The following EXD3 variants were observed in gnomAD, a reference collection of about 807,000 sequenced individuals.
The protein encoded by EXD3 is exonuclease 3'-5' domain containing 3, also known as exonuclease mut-7 homolog.
Under a neutral mutation model 98.0 loss-of-function variants are expected in EXD3, and 92 were observed. The ratio of observed to expected loss-of-function variants is 0.94; its 90% CI spans 0.79 to 1.12. EXD3 has a LOEUF of 1.12. Among genes scored for constraint, EXD3 ranks in the 50% most tolerant of loss-of-function variants. The probability of loss-of-function intolerance (pLI) is 0.00; values close to 1 mark genes in which losing one functional copy is unlikely to be tolerated. For missense variants in EXD3, 1,222 were observed against 1,191.6 expected, an observed-to-expected ratio of 1.03 and a Z score of -0.38; for synonymous variants, 569 against 526.0, an observed-to-expected ratio of 1.08 and a Z score of -1.12.
rs200057346 is a variant in EXD3 at position 137,368,164 on chromosome 9, GC to G, written c.463-176del. Among the ~76,000 whole-genome samples, 1,473 of 152,286 alleles carry G rather than the reference GC, an allele frequency of 9.7e-3. 12 individuals carry two copies. Among genetic ancestry groups the G allele is most frequent in the Non-Finnish European group, 0.016 (1,086 of 68,016 alleles). ...CCGAGGGGCCTGGCCTGGCAGACAA[GC>G]CCCCCCGTGCTGAGCCAGGCCTTGC... On this transcript the variant is annotated intron_variant, in intron 5 of 21. Transcript: ENST00000340951.
chr9:137,407,974 C>T lies in EXD3; in HGVS notation c.-47-12570G>A, dbSNP rs1025345650. On this transcript the variant is annotated intron_variant, in intron 1 of 21. Transcript: ENST00000340951. The surrounding 1 kb of genome is among the most constrained non-coding windows in gnomAD (Gnocchi z 4.4). ...CAGGGGTTTTCCAGCCTCACGCCTC[C>T]GGGGGTCTCCCCAGCCTCATGCCTC... is the stretch of plus-strand genomic sequence containing the variant. 3.9e-5 allele frequency among the ~76,000 whole-genome samples: 6 copies of T among 152,086 alleles called. No individual in the cohort carries two copies. The highest frequency in any genetic ancestry group is 7.4e-5 in the Non-Finnish European group (5 of 67,998).
intron 7 of EXD3, chr9:137,365,631 A>C (rs1378511961): frequency 4.6e-6 from 1 of 217,462 alleles, no homozygotes. Context: ...GCAGGCACAC[A>C]CACGTGCACA....
chr9:137,368,007 G>T lies in EXD3; in HGVS notation c.463-18C>A. ...GTGGCTGCCTGGCAAACACAAAGGC[G>T]GCAGATTACTCAGGGCCTGGGAGGG... is the stretch of plus-strand genomic sequence containing the variant. On this transcript the variant is annotated intron_variant, in intron 5 of 21. Transcript: ENST00000340951. 1 of 1,604,654 alleles carries T rather than the reference G, an allele frequency of 6.2e-7. No homozygotes were observed. Among genetic ancestry groups the T allele is most frequent in the South Asian group, 1.1e-5 (1 of 90,734 alleles).
At chr9:137,368,889 G>A (rs534752864) in intron 5 of EXD3, among the ~76,000 whole-genome samples, 14 of 146,908 alleles carry the variant, frequency 9.5e-5, no homozygotes, top group East Asian at 6.2e-4. Flanking sequence ...GCGAAGGTCC[G>A]GGGCGGGGCC....
intron 10 of EXD3, 122 bp downstream of exon 10, chr9:137,354,217 G>T (rs1834482020): frequency 6.7e-7 from 1 of 1,493,216 alleles, no homozygotes; most frequent in Non-Finnish European, 9.0e-7. Flanking sequence ...ATGGGGTCTG[G>T]GCTCAGCAGC....
At chr9:137,415,143 C>T (rs1281221348) in intron 1 of EXD3, among the ~76,000 whole-genome samples, 1 of 151,824 alleles carries the variant, frequency 6.6e-6, no homozygotes, top group African/African-American at 2.4e-5. Flanking sequence ...CCACCTCGGC[C>T]TCTCAAAATG....
chr9:137,389,850 A>G (rs920454545), intron 2 of EXD3, among the ~76,000 whole-genome samples: 6 of 152,162 alleles, frequency 3.9e-5, no homozygotes, highest in Non-Finnish European at 8.8e-5. Flanking sequence ...GACCCGGCAC[A>G]GTGGCTCATG....
chr9:137,421,872 T>C (rs1363669047), intron 1 of EXD3, among the ~76,000 whole-genome samples: 4 of 152,090 alleles, frequency 2.6e-5, no homozygotes, highest in South Asian at 2.1e-4. Flanking sequence ...AAGAAGAACA[T>C]GGATTTTAGT....
intron 7 of EXD3, 200 bp downstream of exon 7, chr9:137,366,293 G>A (rs1054154170): frequency 1.3e-6 from 1 of 744,938 alleles, no homozygotes; most frequent in African/African-American, 1.7e-5. Flanking sequence ...GGGAGAAGAG[G>A]GCTGTGCTCC....
intron 17 of EXD3, among the ~76,000 whole-genome samples, chr9:137,342,528 T>G (rs1044603420): frequency 6.6e-5 from 10 of 152,192 alleles, no homozygotes; most frequent in African/African-American, 2.4e-4. Flanking sequence ...ACTCATTGCC[T>G]GAGGTTTTTA....
At chr9:137,392,924 G>T (rs898142015) in intron 2 of EXD3, 1 of 577,408 alleles carries the variant, frequency 1.7e-6, no homozygotes, top group Non-Finnish European at 3.1e-6. Context: ...GCGGGGGGCC[G>T]TATCTGTTCC....
chr9:137,386,910 C>G (rs1480789501), intron 2 of EXD3, among the ~76,000 whole-genome samples: 1 of 146,382 alleles, frequency 6.8e-6, no homozygotes, highest in African/African-American at 2.5e-5. Context: ...CCTCAGCACC[C>G]CTGCTCCCTG....
chr9:137,418,715 C>A (rs1838360406), intron 1 of EXD3, among the ~76,000 whole-genome samples: 1 of 151,356 alleles, frequency 6.6e-6, no homozygotes, highest in Admixed American at 6.6e-5. Context: ...TTTTGAACAA[C>A]ATTTCGTGTA....
chr9:137,413,503 CTTTTTTTTTTTT>C (rs768508083), intron 1 of EXD3, among the ~76,000 whole-genome samples: 1 of 128,790 alleles, frequency 7.8e-6, no homozygotes, highest in Non-Finnish European at 1.7e-5. Context: ...CCTGGCCTAG[CTTTTTTTTTTTT>C]TTTTTTTTGA....
At position 137,352,610 on chromosome 9, in the gene EXD3, C is replaced by T. The variant is rs1016425078; in HGVS notation, c.1037+10G>A. 78 of 1,533,768 alleles carry T rather than the reference C, an allele frequency of 5.1e-5. No individual in the cohort carries two copies. Among genetic ancestry groups the T allele is most frequent in the African/African-American group, 2.6e-4 (19 of 72,606 alleles). On this transcript the variant is annotated intron_variant, in intron 11 of 21. Transcript: ENST00000340951. The stretch of plus-strand genomic sequence containing the variant: ...CCACCCCTGGCTGGGGTCACCCTGG[C>T]GGCGCTCACCTCCCCTGGAGCCTGA...
rs1319566141 is a variant in EXD3, at chr9:137,347,054, T to C, written c.1998+1017A>G. On this transcript the variant is annotated intron_variant, in intron 17 of 21. Transcript: ENST00000340951. The surrounding 1 kb of genome is among the most constrained non-coding windows in gnomAD (Gnocchi z 4.2). ...TGGTCTTGAACCCCTGACCTTGTGA[T>C]CCACCCGCCTCGGCCTCCCAGAGTG... 6.6e-6 allele frequency among the ~76,000 whole-genome samples: 1 copy of C among 152,158 alleles called. No individual in the cohort carries two copies. The highest frequency in any genetic ancestry group is 2.4e-5 in the African/African-American group (1 of 41,446).
At chr9:137,413,927 T>C (rs1237124532) in intron 1 of EXD3, among the ~76,000 whole-genome samples, 1 of 150,442 alleles carries the variant, frequency 6.6e-6, no homozygotes, top group Non-Finnish European at 1.5e-5. Flanking sequence ...TTCTTTTTTT[T>C]TTTTTTTGAG....
chr9:137,387,843 T>A (rs1289327802), intron 2 of EXD3, among the ~76,000 whole-genome samples: 1 of 152,142 alleles, frequency 6.6e-6, no homozygotes, highest in Non-Finnish European at 1.5e-5. Flanking sequence ...TGGCCGGAGC[T>A]CCGTGGGTGG....
chr9:137,309,461 T>C (rs1008497380), intron 20 of EXD3, 146 bp downstream of exon 20: 38 of 656,710 alleles, frequency 5.8e-5, no homozygotes, highest in Non-Finnish European at 9.7e-5. Flanking sequence ...CACCTGGCTG[T>C]GGTTTTTCCA....
Sources: allele counts gnomAD v4.1 joint callset (sites outside exome capture counted in the v4.1 genomes callset), GRCh38; gene constraint gnomAD v4.1.1; non-coding constraint Gnocchi (gnomAD v3.1); transcripts MANE v1.5; gene names NCBI Gene and HGNC (gene_info 2026-07-23, HGNC 2026-07-21).